TTC28: variants seen among roughly 807,000 people sequenced by gnomAD.
TTC28 encodes tetratricopeptide repeat protein 28.
TTC28 carries 61 observed loss-of-function variants against 198.0 expected under a neutral mutation model. The observed-to-expected ratio is 0.31, with a 90% confidence interval of 0.25 to 0.38. The LOEUF is 0.38. TTC28 is among the 10% of genes least tolerant of loss of function. The pLI is 1.00. For synonymous variants in TTC28, 1,171 were observed against 1,297.8 expected, an observed-to-expected ratio of 0.90 and a Z score of 2.10; for missense variants, 2,678 against 3,164.0, an observed-to-expected ratio of 0.85 and a Z score of 3.69.
chr22:28,574,353 TTGTGTGTGTG>T (rs145439302), intron 2 of TTC28, among the ~76,000 whole-genome samples: 1 of 148,630 alleles, frequency 6.7e-6, no homozygotes, highest in African/African-American at 2.5e-5. Context: ...ACTCCACTGT[TTGTGTGTGTG>T]TGTGTGTGTG....
At chr22:28,466,592 G>C (rs1325826826) in intron 2 of TTC28, among the ~76,000 whole-genome samples, 1 of 152,154 alleles carries the variant, frequency 6.6e-6, no homozygotes, top group Non-Finnish European at 1.5e-5. Context: ...GATTAATCCT[G>C]CATGGCCACA....
intron 2 of TTC28, among the ~76,000 whole-genome samples, chr22:28,468,095 G>C (rs1286751022): frequency 1.3e-5 from 2 of 151,968 alleles, no homozygotes; most frequent in Non-Finnish European, 2.9e-5. Flanking sequence ...TTTTATTTCA[G>C]AGAAATAAGG....
At chr22:28,025,714 A>T (rs1051602635) in intron 13 of TTC28, among the ~76,000 whole-genome samples, 2 of 152,168 alleles carry the variant, frequency 1.3e-5, no homozygotes, top group Non-Finnish European at 1.5e-5. Flanking sequence ...AAAATAATTT[A>T]AAAAAATTAG....
chr22:28,392,021 G>T (rs1241904424), intron 2 of TTC28, among the ~76,000 whole-genome samples: 11 of 152,110 alleles, frequency 7.2e-5, no homozygotes, highest in Non-Finnish European at 1.6e-4. Flanking sequence ...TGGGTTTTTG[G>T]TGTGGATGTC....
chr22:28,163,533 G>T lies in TTC28; in HGVS notation c.1000C>A (p.Leu334Met), dbSNP rs12166350. 1 of 1,551,682 alleles carries T rather than the reference G, an allele frequency of 6.4e-7. No homozygotes were observed. Among genetic ancestry groups the T allele is most frequent in the South Asian group, 1.2e-5 (1 of 84,052 alleles). Residue 334 changes from leucine to methionine, a missense_variant, in exon 6 of 23, where the codon CTG (leucine) becomes ATG (methionine). Coordinates refer to ENST00000397906, the MANE Select transcript of TTC28 (RefSeq NM_001145418.2). ...AGAACACACTGTTTGTGACTGGCCA[G>T]TGCATTGGGGTAGTCTCCAATGGCT... ...YTAIGDYPNALASHKQCVLLA... is the reference protein window; with the variant it reads ...YTAIGDYPNAMASHKQCVLLA...
At chr22:28,654,477 G>A (rs1345113458) in intron 1 of TTC28, among the ~76,000 whole-genome samples, 2 of 152,156 alleles carry the variant, frequency 1.3e-5, no homozygotes, top group East Asian at 3.9e-4. Flanking sequence ...ACAGGTGCCC[G>A]CCACCATGCC....
intron 2 of TTC28, among the ~76,000 whole-genome samples, chr22:28,617,714 G>A (rs1225814445): frequency 3.3e-5 from 5 of 152,212 alleles, no homozygotes; most frequent in African/African-American, 9.6e-5. Context: ...ATACAATTGT[G>A]TTTGCATTCT....
chr22:28,402,760 T>C (rs940485971), intron 2 of TTC28, among the ~76,000 whole-genome samples: 1 of 152,222 alleles, frequency 6.6e-6, no homozygotes, highest in Non-Finnish European at 1.5e-5. Context: ...ACTGTTAAAA[T>C]GTAAAGCAGC....
At chr22:28,364,462 TA>T (rs2046211817) in intron 2 of TTC28, among the ~76,000 whole-genome samples, 2 of 152,184 alleles carry the variant, frequency 1.3e-5, no homozygotes, top group Admixed American at 6.6e-5. Context: ...TCTTATTATT[TA>T]AAAAATACAT....
intron 10 of TTC28, among the ~76,000 whole-genome samples, chr22:28,098,435 G>A (rs1391149313): frequency 6.6e-6 from 1 of 152,166 alleles, no homozygotes; most frequent in East Asian, 1.9e-4. Context: ...TTTCAGGCTG[G>A]GTGTCATGGT....
At chr22:28,098,374 G>GT (rs1409527547) in intron 10 of TTC28, among the ~76,000 whole-genome samples, 2 of 152,166 alleles carry the variant, frequency 1.3e-5, no homozygotes, top group Non-Finnish European at 2.9e-5. Context: ...AAGCATCCCT[G>GT]TCTCAAGGAC....
intron 2 of TTC28, among the ~76,000 whole-genome samples, chr22:28,583,654 C>T (rs887004446): frequency 1.3e-5 from 2 of 152,070 alleles, no homozygotes; most frequent in African/African-American, 4.8e-5. Flanking sequence ...GAACTTAAAA[C>T]ATTAATATCC....
At chr22:28,243,766 T>C (rs1273728168) in intron 5 of TTC28, among the ~76,000 whole-genome samples, 1 of 151,760 alleles carries the variant, frequency 6.6e-6, no homozygotes, top group Non-Finnish European at 1.5e-5. Flanking sequence ...AGGCAAAAGG[T>C]AAAAGGAGTG....
chr22:28,298,650 T>C (rs1325080556), intron 3 of TTC28, among the ~76,000 whole-genome samples: 1 of 152,102 alleles, frequency 6.6e-6, no homozygotes, highest in African/African-American at 2.4e-5. Context: ...GAGGTCTCAT[T>C]AGGTTGCTCA....
chr22:27,985,423 T>G, intron 21 of TTC28, 67 bp from the exon 22 acceptor site: 3 of 1,277,840 alleles, frequency 2.3e-6, no homozygotes, highest in Non-Finnish European at 3.3e-6. Flanking sequence ...ACATGAGCGC[T>G]ATAGGGCTCC....
rs528266207 is a variant in TTC28 at position 28,219,857 on chromosome 22, GACAA to G, written c.934-56262_934-56259del. On this transcript the variant is annotated intron_variant, in intron 5 of 22. Coordinates refer to ENST00000397906, the MANE Select transcript of TTC28 (RefSeq NM_001145418.2). Reference sequence around the variant, plus strand: ...GAAGTGTCTCAGTTTCAAAAGGGATGACAAACATTCATCCTGAACCATTTATCAC... The same window carrying G: ...GAAGTGTCTCAGTTTCAAAAGGGATGACATTCATCCTGAACCATTTATCAC... Among the ~76,000 whole-genome samples the G allele has an allele frequency of 2.5e-3, 385 of 152,326 alleles. 1 individual carries two copies. Among genetic ancestry groups the G allele is most frequent in the South Asian group, 6.2e-3 (30 of 4,826 alleles).
rs1028648880 is a variant in TTC28 at position 27,998,748 on chromosome 22, C to A, written c.4911G>T (p.Gly1637=). The A allele has an allele frequency of 3.4e-5, 52 of 1,550,672 alleles. No individual in the cohort carries two copies. The highest frequency in any genetic ancestry group is 4.4e-5 in the Non-Finnish European group (51 of 1,147,014). ...GGAAGGCCCTTGTCAGCGCGATGACCCCGTCGGCTGTGACTTTGCTGTTGG... is the reference window on the plus strand; with the variant it reads ...GGAAGGCCCTTGTCAGCGCGATGACACCGTCGGCTGTGACTTTGCTGTTGG... ...QESNSKVTAD[G]VIALTRAFLA... Residue 1637 remains glycine, a synonymous_variant, in exon 16 of 23, where the codon GGG becomes GGT. Coordinates refer to ENST00000397906, the MANE Select transcript of TTC28 (RefSeq NM_001145418.2).
At chr22:28,476,734 G>A (rs2048173585) in intron 2 of TTC28, among the ~76,000 whole-genome samples, 1 of 151,990 alleles carries the variant, frequency 6.6e-6, no homozygotes, top group Admixed American at 6.6e-5. Flanking sequence ...TTATAAAATT[G>A]AAATACACTA....
At chr22:28,512,968 T>C (rs1054432225) in intron 2 of TTC28, among the ~76,000 whole-genome samples, 5 of 146,668 alleles carry the variant, frequency 3.4e-5, no homozygotes, top group Admixed American at 1.5e-4. Flanking sequence ...CTTTTGAATA[T>C]TTTAACCTGG....
Sources: allele counts gnomAD v4.1 joint callset (sites outside exome capture counted in the v4.1 genomes callset), GRCh38; gene constraint gnomAD v4.1.1; transcripts MANE v1.5; gene names NCBI Gene and HGNC (gene_info 2026-07-23, HGNC 2026-07-21).